CPA6: variants seen among roughly 807,000 people sequenced by gnomAD.
The protein encoded by CPA6 is carboxypeptidase B.
A neutral mutation model predicts 63.3 loss-of-function variants in CPA6; 58 were observed. The ratio of observed to expected loss-of-function variants is 0.92; its 90% CI spans 0.74 to 1.14. The LOEUF is 1.14. Among genes scored for constraint, CPA6 ranks in the 50% most tolerant of loss-of-function variants. The pLI is 0.00. For synonymous variants in CPA6, 185 were observed against 179.0 expected (o/e 1.03, Z -0.27); for missense variants, 565 against 526.6 (o/e 1.07, Z -0.71).
At chr8:67,614,649 G>T (rs1201657649) in intron 2 of CPA6, among the ~76,000 whole-genome samples, 1 of 152,102 alleles carries the variant, frequency 6.6e-6, no homozygotes, top group Non-Finnish European at 1.5e-5. Flanking sequence ...CCCCCATTTT[G>T]TCTACATGCA....
At chr8:67,447,075 TACACATATATATAC>T (rs1327807025) in intron 8 of CPA6, among the ~76,000 whole-genome samples, 100 of 145,266 alleles carry the variant, frequency 6.9e-4, no homozygotes, top group African/African-American at 1.8e-3. Flanking sequence ...CACACATATA[TACACATATATATAC>T]ACACATATAT....
At chr8:67,661,974 T>C (rs1055785691) in intron 1 of CPA6, among the ~76,000 whole-genome samples, 2 of 152,220 alleles carry the variant, frequency 1.3e-5, no homozygotes, top group African/African-American at 4.8e-5. Context: ...CATATTCCAT[T>C]GCATGGATAC....
rs140794785 is a variant in CPA6, at chr8:67,674,241, C to G, written c.117-49990G>C. On this transcript the variant is annotated intron_variant, in intron 1 of 10. Transcript: ENST00000297770. ...GCTCAGGCTTAGGAGTCAGGCTGTA[C>G]TGCAGAGACTACCTGAGCATTTGTG... is the stretch of plus-strand genomic sequence containing the variant. 1.9e-3 allele frequency among the ~76,000 whole-genome samples: 283 copies of G among 152,322 alleles called. 2 individuals are homozygous for G. The highest frequency in any genetic ancestry group is 6.4e-3 in the African/African-American group (267 of 41,564).
intron 1 of CPA6, among the ~76,000 whole-genome samples, chr8:67,634,205 TTATTATTATTA>T (rs1213683192): frequency 4.9e-5 from 7 of 144,086 alleles, no homozygotes; most frequent in African/African-American, 7.8e-5. Flanking sequence ...ATTATTATTA[TTATTATTATTA>T]TTATTTATTT....
chr8:67,457,343 C>A (rs1810698938), intron 8 of CPA6, among the ~76,000 whole-genome samples: 1 of 152,104 alleles, frequency 6.6e-6, no homozygotes, highest in South Asian at 2.1e-4. Context: ...CTAGAGGATG[C>A]CCTCCAAAAT....
At chr8:67,437,954 C>A (rs558661453) in intron 8 of CPA6, among the ~76,000 whole-genome samples, 1 of 152,212 alleles carries the variant, frequency 6.6e-6, no homozygotes. Context: ...CTTGCTCAGT[C>A]GCTCAGGCTG....
chr8:67,446,924 TTACAAGTACACATA>T (rs1444410755), intron 8 of CPA6, among the ~76,000 whole-genome samples: 1 of 151,968 alleles, frequency 6.6e-6, no homozygotes, highest in East Asian at 1.9e-4. Context: ...TACACATAGT[TTACAAGTACACATA>T]TGTACTCACA....
intron 1 of CPA6, among the ~76,000 whole-genome samples, chr8:67,722,871 A>G (rs572149978): frequency 6.6e-6 from 1 of 152,026 alleles, no homozygotes; most frequent in Admixed American, 6.6e-5. Flanking sequence ...TAAATCTCTC[A>G]TGTTGGTATA....
intron 8 of CPA6, among the ~76,000 whole-genome samples, chr8:67,482,333 A>G (rs1018458562): frequency 6.6e-6 from 1 of 152,182 alleles, no homozygotes; most frequent in African/African-American, 2.4e-5. Flanking sequence ...GAGTATGGAA[A>G]ATGGCCCCAT....
intron 2 of CPA6, among the ~76,000 whole-genome samples, chr8:67,520,765 G>A (rs56294934): frequency 0.12 from 18,552 of 152,216 alleles, 1,250 homozygotes; most frequent in East Asian, 0.22. Flanking sequence ...CAAAATGGCC[G>A]ATACAAGACA....
intron 1 of CPA6, among the ~76,000 whole-genome samples, chr8:67,741,017 A>G (rs1310945543): frequency 1.3e-5 from 2 of 152,206 alleles, no homozygotes; most frequent in East Asian, 3.9e-4. Context: ...AGCACATACC[A>G]GCTGCGTGCA....
At chr8:67,708,899 G>C (rs1467535635) in intron 1 of CPA6, among the ~76,000 whole-genome samples, 2 of 152,130 alleles carry the variant, frequency 1.3e-5, no homozygotes, top group African/African-American at 4.8e-5. Context: ...TCAGGAGATG[G>C]TCAGGTGGTT....
intron 2 of CPA6, among the ~76,000 whole-genome samples, chr8:67,599,000 G>T (rs1338356123): frequency 6.6e-6 from 1 of 151,810 alleles, no homozygotes; most frequent in African/African-American, 2.4e-5. Context: ...TTCTTCAAAA[G>T]AATTTGCTGA....
chr8:67,604,839 G>A (rs532085894), intron 2 of CPA6, among the ~76,000 whole-genome samples: 1 of 152,214 alleles, frequency 6.6e-6, no homozygotes, highest in East Asian at 1.9e-4. Flanking sequence ...GTGCAATGGT[G>A]CGGTCTCAGC....
chr8:67,478,057 A>G (rs1469599654), intron 8 of CPA6, among the ~76,000 whole-genome samples: 1 of 152,194 alleles, frequency 6.6e-6, no homozygotes, highest in Non-Finnish European at 1.5e-5. Context: ...AGACCAAGGC[A>G]TGATGAGAGG....
intron 1 of CPA6, among the ~76,000 whole-genome samples, chr8:67,663,375 A>G (rs1816159762): frequency 6.6e-6 from 1 of 151,954 alleles, no homozygotes; most frequent in South Asian, 2.1e-4. Flanking sequence ...TTTTATTTTA[A>G]TTTTTAAGTT....
At chr8:67,501,223 TTTTC>T (rs1215531839) in intron 6 of CPA6, among the ~76,000 whole-genome samples, 1 of 152,126 alleles carries the variant, frequency 6.6e-6, no homozygotes, top group Non-Finnish European at 1.5e-5. Flanking sequence ...TCCACTTCAA[TTTTC>T]TTTATTTCAC....
At chr8:67,647,554 A>G (rs1243838041) in intron 1 of CPA6, among the ~76,000 whole-genome samples, 2 of 152,170 alleles carry the variant, frequency 1.3e-5, no homozygotes, top group Non-Finnish European at 2.9e-5. Flanking sequence ...ATGCTTTGAT[A>G]TGCTGAACTG....
intron 2 of CPA6, among the ~76,000 whole-genome samples, chr8:67,536,060 C>T (rs1374460928): frequency 3.9e-5 from 6 of 152,050 alleles, no homozygotes; most frequent in Non-Finnish European, 7.4e-5. Flanking sequence ...TTCCATTGGT[C>T]TATATATCTG....
Sources: allele counts gnomAD v4.1 joint callset (sites outside exome capture counted in the v4.1 genomes callset), GRCh38; gene constraint gnomAD v4.1.1; transcripts MANE v1.5; gene names NCBI Gene and HGNC (gene_info 2026-07-23, HGNC 2026-07-21).